Variants in NELFA observed in about 807,000 individuals in gnomAD.
NELFA encodes negative elongation factor complex member A.
A neutral mutation model predicts 51.8 loss-of-function variants in NELFA; 35 were observed. The ratio of observed to expected loss-of-function variants is 0.68; its 90% confidence interval spans 0.52 to 0.90. The LOEUF is 0.90. Among genes scored for constraint, NELFA ranks in the 40% least tolerant of loss-of-function variants. The pLI is 0.00. For synonymous variants in NELFA, 417 were observed against 338.4 expected, an observed-to-expected ratio of 1.23 and a Z score of -2.55; for missense variants, 658 against 746.4, an observed-to-expected ratio of 0.88 and a Z score of 1.38.
chr4:1,985,065 T>C (rs1245385453), intron 7 of NELFA, 146 bp from the exon 8 acceptor site: 8 of 606,842 alleles, frequency 1.3e-5, no homozygotes, highest in Non-Finnish European at 2.0e-5. Context: ...CCGAGCTCCC[T>C]GGGCTAGACA....
In NELFA at chr4:1,983,626, G is replaced by C. The variant is rs780510850; in HGVS notation, c.1372C>G (p.Leu458Val). Residue 458 changes from leucine (L) to valine (V), a missense_variant, in exon 10 of 11, where the codon CTC becomes GTC. By Grantham distance (32) the Leu-to-Val change is conservative. Around this residue, in one of 3 missense-constraint regions of NELFA, gnomAD observed 87 missense variants for 130.2 expected, o/e 0.67. Coordinates refer to ENST00000382882, the MANE Select transcript of NELFA (RefSeq NM_005663.5). ...GAGCCGGCCATGAAGCCCAGGATGA[G>C]GGCCTTCTCGGGCCGCGTGACTTTG... ...ANKVTRPEKA[L>V]ILGFMAGSRE... 1 of 1,614,098 alleles carries C rather than the reference G, an allele frequency of 6.2e-7. No homozygotes were observed. The highest frequency in any genetic ancestry group is 8.5e-7 in the Non-Finnish European group (1 of 1,179,996).
Position 1,984,125 on chromosome 4 carries a change from C to G in NELFA, c.1037-12G>C, listed in dbSNP as rs765486259. 7 of 1,538,320 alleles carry G rather than the reference C, an allele frequency of 4.6e-6. No individual in the cohort carries two copies. The South Asian group carries it at 8.6e-5, about 19-fold the overall frequency. The stretch of plus-strand genomic sequence containing the variant: ...CCGGGAAGATGGGGCTGCAAGTAGA[C>G]CGGGGCCTGGTGAGGGGGCTGGACC... On this transcript the variant is annotated splice_polypyrimidine_tract_variant and intron_variant, in intron 8 of 10. Transcript: ENST00000382882.
At position 1,989,700 on chromosome 4, in the gene NELFA, C is replaced by T. The variant is rs1475152755; in HGVS notation, c.544+8G>A. 1 of 1,612,010 alleles carries T rather than the reference C, an allele frequency of 6.2e-7. No homozygotes were observed. The highest frequency in any genetic ancestry group is 1.7e-5 in the Admixed American group (1 of 59,582). On this transcript the variant is annotated splice_region_variant and intron_variant, in intron 3 of 10. Transcript: ENST00000382882. This position sits in a 1 kb window ranked among gnomAD's most constrained non-coding sequence, Gnocchi z 4.8. Reference sequence around the variant, plus strand: ...AGACAATGCCCGATGGCGGCCGCGGCCACTCACACTTCTGCAGCAGCTCCG... The same window carrying T: ...AGACAATGCCCGATGGCGGCCGCGGTCACTCACACTTCTGCAGCAGCTCCG...
intron 2 of NELFA, among the ~76,000 whole-genome samples, chr4:1,990,800 A>G (rs1055127240): frequency 6.6e-6 from 1 of 152,122 alleles, no homozygotes; most frequent in African/African-American, 2.4e-5. Flanking sequence ...ATCCATCTAC[A>G]AATAGTTGTT....
intron 1 of NELFA, chr4:1,992,285 G>A (rs1728294972): frequency 4.0e-6 from 1 of 247,152 alleles, no homozygotes; most frequent in Non-Finnish European, 8.1e-6. Flanking sequence ...ACGGCGCTGG[G>A]AGTTGGCGCT....
chr4:1,992,602 A>T (rs1220671729), intron 1 of NELFA: 1 of 224,970 alleles, frequency 4.4e-6, no homozygotes, highest in Non-Finnish European at 9.3e-6. Flanking sequence ...GCCGGGGCTG[A>T]AACCCCAGCC....
chr4:1,993,960 C>T (rs1034693226), intron 1 of NELFA, among the ~76,000 whole-genome samples: 3 of 152,180 alleles, frequency 2.0e-5, no homozygotes, highest in African/African-American at 4.8e-5. Context: ...CCACCACGCC[C>T]GGCCCAGGCC....
In NELFA at chr4:1,984,029, G is replaced by A. The variant is rs375949981; in HGVS notation, c.1121C>T (p.Ala374Val). The A allele has an allele frequency of 7.7e-5, 124 of 1,607,184 alleles. No homozygotes were observed. Among genetic ancestry groups the A allele is most frequent in the Middle Eastern group, 5.2e-4 (3 of 5,790 alleles). ...PTLPAQFKQR[A>V]PMYNSGLSPA... ...GCTCAGGCCGCTGTTGTACATGGGC[G>A]CCCGCTGCTTGAACTGCGCTGGCAA... The change falls in exon 9 of 11, where the codon GCG becomes GTG. Residue 374 changes from alanine to valine, a missense_variant. By Grantham distance (64) the Ala-to-Val change is moderately conservative. Around this residue, in one of 3 missense-constraint regions of NELFA, gnomAD observed 200 missense variants for 167.9 expected, o/e 1.19. Coordinates refer to ENST00000382882, the MANE Select transcript of NELFA (RefSeq NM_005663.5).
chr4:1,983,293 G>C lies in NELFA; in HGVS notation c.*26C>G, dbSNP rs754905687. 6.3e-7 allele frequency: 1 copy of C among 1,597,288 alleles called. No individual in the cohort carries two copies. The highest frequency in any genetic ancestry group is 1.7e-5 in the Admixed American group (1 of 59,376). ...CATCGTCCCGTGGACCCCCACAAGT[G>C]ACGGCCAGCTGTGAGGCAGGTGGTT... On this transcript the variant is annotated 3_prime_UTR_variant, in exon 11 of 11. Transcript: ENST00000382882.
At chr4:1,996,804 C>A (rs759113795) in intron 1 of NELFA, among the ~76,000 whole-genome samples, 31 of 152,116 alleles carry the variant, frequency 2.0e-4, no homozygotes, top group African/African-American at 6.5e-4. Context: ...TGGTGGCACA[C>A]GCCTGTGATC....
At position 1,985,785 on chromosome 4, in the gene NELFA, C is replaced by T. The variant is rs761746993; in HGVS notation, c.915G>A (p.Val305=). The stretch of plus-strand genomic sequence containing the variant: ...CAGCCCCGAGCCCTACCTGCGTGGA[C>T]ACCAGGCCGGCTGCGTAGTCCGGGG... ...NATPDYAAGL[V]STQKLGSLNN... is the part of the protein sequence containing the mutation. The change falls in exon 7 of 11, where the codon GTG becomes GTA. Residue 305 remains valine, a synonymous_variant. Coordinates refer to ENST00000382882, the MANE Select transcript of NELFA (RefSeq NM_005663.5). 2 of 1,613,102 alleles carry T rather than the reference C, an allele frequency of 1.2e-6. No homozygotes were observed. The highest frequency in any genetic ancestry group is 1.7e-5 in the Admixed American group (1 of 59,956).
At chr4:1,990,151 T>C in intron 2 of NELFA, 1 of 483,272 alleles carries the variant, frequency 2.1e-6, no homozygotes, top group South Asian at 2.1e-5. Flanking sequence ...CGGACATAGA[T>C]ACAGTGATTC....
intron 1 of NELFA, among the ~76,000 whole-genome samples, chr4:1,994,857 A>AG (rs1302386749): frequency 6.6e-6 from 1 of 152,134 alleles, no homozygotes; most frequent in Non-Finnish European, 1.5e-5. Flanking sequence ...TCAAAAAAAA[A>AG]AAAAAAAATT....
chr4:1,997,780 C>G (rs915047037), intron 1 of NELFA, among the ~76,000 whole-genome samples: 1 of 152,186 alleles, frequency 6.6e-6, no homozygotes, highest in Admixed American at 6.5e-5. Flanking sequence ...CATCATGGGA[C>G]AAAGTGCTTC....
rs772919056 is a variant in NELFA, at chr4:2,008,961, TTG to T, written c.-4_-3del. On this transcript the variant is annotated 5_prime_UTR_variant, in exon 1 of 11. Transcript: ENST00000382882. ...GTCGCTCTCCCGCATGGACGCCATC[TTG>T]GGGGAAAGCGCGCGCCGCTGCCCCG... is the stretch of plus-strand genomic sequence containing the variant. 6.4e-7 allele frequency: 1 copy of T among 1,556,086 alleles called. No individual in the cohort carries two copies. The highest frequency in any genetic ancestry group is 2.0e-5 in the Admixed American group (1 of 51,204).
chr4:1,992,149 G>C, intron 1 of NELFA: 1 of 215,272 alleles, frequency 4.6e-6, no homozygotes, highest in Non-Finnish European at 9.4e-6. Flanking sequence ...GCAGGGTGGA[G>C]TCACCTGCCG....
At chr4:1,990,414 C>T (rs116445105) in intron 2 of NELFA, 21,374 of 456,732 alleles carry the variant, frequency 0.047, 689 homozygotes, top group Non-Finnish European at 0.068. Flanking sequence ...GCTACGTGCC[C>T]CACCTGGAGA....
chr4:2,000,858 C>T (rs1318229630), intron 1 of NELFA, among the ~76,000 whole-genome samples: 1 of 152,174 alleles, frequency 6.6e-6, no homozygotes, highest in Non-Finnish European at 1.5e-5. Flanking sequence ...AAACTTCAGG[C>T]CAACATCCCT....
chr4:2,003,724 G>T (rs1183151780), intron 1 of NELFA: 1 of 152,114 alleles, frequency 6.6e-6, no homozygotes, highest in African/African-American at 2.4e-5. Flanking sequence ...ACACACCAGG[G>T]CCTAATAGGG....
Sources: allele counts gnomAD v4.1 joint callset (sites outside exome capture counted in the v4.1 genomes callset), GRCh38; gene constraint gnomAD v4.1.1; regional missense constraint gnomAD v4.1.1; non-coding constraint Gnocchi (gnomAD v3.1); transcripts MANE v1.5; gene names NCBI Gene and HGNC (gene_info 2026-07-23, HGNC 2026-07-21).